The following TNNT3 variants were observed in gnomAD, a reference collection of about 807,000 sequenced individuals.
TNNT3 encodes the protein troponin T3, fast skeletal type.
TNNT3 carries 36 observed loss-of-function variants against 54.2 expected under a neutral mutation model. The observed-to-expected ratio is 0.66, with a 90% CI of 0.51 to 0.88. The LOEUF (loss-of-function observed/expected upper bound fraction) is 0.88. Among genes scored for constraint, TNNT3 ranks in the 40% least tolerant of loss-of-function variants. The probability of loss-of-function intolerance (pLI) is 0.00; values close to 1 mark genes in which losing one functional copy is unlikely to be tolerated. For missense variants in TNNT3, 291 were observed against 331.6 expected (o/e 0.88, Z 0.95); for synonymous variants, 120 against 109.7 (o/e 1.09, Z -0.59).
Position 1,921,174 on chromosome 11 carries a change from C to T in TNNT3, c.-19+1412C>T, listed in dbSNP as rs1486423343. Among the ~76,000 whole-genome samples the T allele has an allele frequency of 3.3e-5, 5 of 152,212 alleles. No individual in the cohort carries two copies. In the South Asian group the frequency reaches 6.2e-4, roughly 19 times the overall value. On this transcript the variant is annotated intron_variant, in intron 1 of 15. Coordinates refer to ENST00000278317, the MANE Select transcript of TNNT3 (RefSeq NM_006757.4). ...CACGTCTTGGGTTTCTGGGCAGAAA[C>T]GTCTTGCCTATTTCTGGACACCTCA...
intron 11 of TNNT3, 111 bp downstream of exon 11, chr11:1,934,119 T>C: frequency 1.6e-6 from 2 of 1,258,180 alleles, no homozygotes; most frequent in Non-Finnish European, 2.3e-6. Context: ...CATTGGCCAA[T>C]GATCAGAACC....
At chr11:1,926,463 C>T (rs199809368) in intron 5 of TNNT3, 284 of 1,613,204 alleles carry the variant, frequency 1.8e-4, no homozygotes, top group East Asian at 1.3e-3. Flanking sequence ...CTCCTTGGCC[C>T]GTGAAGTTCA....
rs979229245 is a variant in TNNT3 at position 1,933,846 on chromosome 11, G to A, written c.288+9G>A. On this transcript the variant is annotated intron_variant, in intron 10 of 15. Coordinates refer to ENST00000278317, the MANE Select transcript of TNNT3 (RefSeq NM_006757.4). ...CTCTCAAAGAGAGAATCGTGAGTGG[G>A]GCAGTTCAGGTTGCAGCAGGGGCTG... 1 of 1,612,408 alleles carries A rather than the reference G, an allele frequency of 6.2e-7. No homozygotes were observed. Among genetic ancestry groups the A allele is most frequent in the African/African-American group, 1.3e-5 (1 of 75,062 alleles).
intron 10 of TNNT3, 29 bp from the exon 11 acceptor site, chr11:1,933,902 G>T: frequency 6.2e-7 from 1 of 1,612,628 alleles, no homozygotes; most frequent in Non-Finnish European, 8.5e-7. Flanking sequence ...CGGGGACAGG[G>T]CTGAGCAGAC....
intron 14 of TNNT3, chr11:1,936,403 C>T (rs1336090211): frequency 3.2e-5 from 29 of 913,718 alleles, no homozygotes; most frequent in Non-Finnish European, 1.0e-5. Context: ...CCCCTCGTGC[C>T]TGCAGCCGGG....
At chr11:1,934,952 A>G (rs894513558) in intron 14 of TNNT3, 33 bp downstream of exon 14, 3 of 1,602,796 alleles carry the variant, frequency 1.9e-6, no homozygotes, top group Non-Finnish European at 1.7e-6. Flanking sequence ...CTGGGGCCCT[A>G]GCGGCTTTCA....
rs769760333 is a variant in TNNT3, at chr11:1,926,690, T to G, written c.68-5T>G. On this transcript the variant is annotated splice_polypyrimidine_tract_variant and splice_region_variant and intron_variant, in intron 5 of 15. Transcript: ENST00000278317. ...CTTTCTGCCACCATGACGCTGCTTC[T>G]GCAGAGGAAGTTCAAGAAGGTACGC... 1 of 1,613,354 alleles carries G rather than the reference T, an allele frequency of 6.2e-7. No individual in the cohort carries two copies. The highest frequency in any genetic ancestry group is 8.5e-7 in the Non-Finnish European group (1 of 1,180,028).
At chr11:1,932,701 T>C (rs1341795883) in intron 9 of TNNT3, among the ~76,000 whole-genome samples, 187 bp downstream of exon 9, 1 of 151,936 alleles carries the variant, frequency 6.6e-6, no homozygotes, top group Non-Finnish European at 1.5e-5. Context: ...CTCTCTTCCC[T>C]TCTCCTCCAT....
At chr11:1,936,158 C>T (rs759946801) in intron 14 of TNNT3, 230 of 1,601,726 alleles carry the variant, frequency 1.4e-4, no homozygotes, top group East Asian at 4.0e-4. Context: ...AGCCCACAGC[C>T]GGGCCTCGAT....
chr11:1,938,386 G>A, intron 15 of TNNT3, 52 bp from the exon 16 acceptor site: 1 of 1,598,536 alleles, frequency 6.3e-7, no homozygotes, highest in Middle Eastern at 1.7e-4. Flanking sequence ...GGACCAGGAG[G>A]GGCATGGCCA....
rs1254217928 is a variant in TNNT3 at position 1,938,460 on chromosome 11, G to A, written c.745G>A (p.Ala249Thr). ...CAGCAGCAAGAAGGCTGGGACCCCAGCCAAGGGCAAAGTCGGCGGGCGCTG... is the reference window on the plus strand; with the variant it reads ...CAGCAGCAAGAAGGCTGGGACCCCAACCAAGGGCAAAGTCGGCGGGCGCTG... ...QKHSKKAGTP[A>T]KGKVGGRWK Residue 249 changes from alanine (A) to threonine (T), a missense_variant, in exon 16 of 16, where the codon GCC becomes ACC. Ala to Thr is a moderately conservative substitution (Grantham distance 58). Transcript: ENST00000278317. The A allele has an allele frequency of 6.2e-7, 1 of 1,613,400 alleles. No individual in the cohort carries two copies. The highest frequency in any genetic ancestry group is 1.7e-5 in the Admixed American group (1 of 60,030).
In TNNT3 at chr11:1,934,658, G is replaced by A. The variant is rs370016094; in HGVS notation, c.590+3G>A. The A allele has an allele frequency of 1.9e-6, 3 of 1,608,516 alleles. No individual in the cohort carries two copies. The highest frequency in any genetic ancestry group is 2.7e-5 in the African/African-American group (2 of 74,786). ...CACCTTGGTGAAGACAAACTGAGGT[G>A]AGGGGTGGGTGTTGTGGGGCTCAGC... On this transcript the variant is annotated splice_donor_region_variant and intron_variant, in intron 13 of 15. Coordinates refer to ENST00000278317, the MANE Select transcript of TNNT3 (RefSeq NM_006757.4).
intron 6 of TNNT3, chr11:1,928,146 G>C (rs1019199545): frequency 2.0e-5 from 3 of 152,986 alleles, no homozygotes; most frequent in African/African-American, 4.8e-5. Context: ...CCAAGTGCAG[G>C]GGACAGCGCT....
At chr11:1,928,123 C>T (rs1852160736) in intron 6 of TNNT3, 1 of 152,884 alleles carries the variant, frequency 6.5e-6, no homozygotes, top group Non-Finnish European at 1.5e-5. Context: ...GGGCCCAGGC[C>T]TGCTGGCCTT....
intron 9 of TNNT3, 28 bp from the exon 10 acceptor site, chr11:1,933,693 G>A: frequency 6.3e-7 from 1 of 1,576,182 alleles, no homozygotes; most frequent in South Asian, 1.1e-5. Flanking sequence ...AGAGGGGTGG[G>A]GCTCACACCC....
chr11:1,932,703 C>T (rs1253481080), intron 9 of TNNT3, among the ~76,000 whole-genome samples, 189 bp downstream of exon 9: 1 of 152,060 alleles, frequency 6.6e-6, no homozygotes, highest in African/African-American at 2.4e-5. Flanking sequence ...CTCTTCCCTT[C>T]TCCTCCATCT....
At chr11:1,922,064 G>A (rs552784785) in intron 1 of TNNT3, among the ~76,000 whole-genome samples, 4 of 152,312 alleles carry the variant, frequency 2.6e-5, no homozygotes, top group South Asian at 2.1e-4. Flanking sequence ...CTGTTCTGTG[G>A]GCTCCTGCAG....
At chr11:1,935,898 A>G (rs1329673977) in intron 14 of TNNT3, among the ~76,000 whole-genome samples, 1 of 152,072 alleles carries the variant, frequency 6.6e-6, no homozygotes, top group Non-Finnish European at 1.5e-5. Context: ...CCCCTCCGAC[A>G]GAGGCAGGGC....
intron 5 of TNNT3, among the ~76,000 whole-genome samples, chr11:1,925,837 G>T (rs1329714825): frequency 6.6e-6 from 1 of 152,200 alleles, no homozygotes; most frequent in Non-Finnish European, 1.5e-5. Flanking sequence ...GGAGCAGATG[G>T]GAGGGCTGGG....
Sources: gnomAD v4.1 joint callset for allele counts (sites outside exome capture counted in the v4.1 genomes callset) on GRCh38, gnomAD v4.1.1 for gene constraint, MANE v1.5 for transcripts, NCBI Gene and HGNC (gene_info 2026-07-23, HGNC 2026-07-21) for gene names.